The following KCNB2 variants were observed in gnomAD, a reference collection of about 807,000 sequenced individuals.
The protein encoded by KCNB2 is potassium voltage-gated channel subfamily B member 2.
Under a neutral mutation model 61.5 loss-of-function variants are expected in KCNB2, and 15 were observed. That is an observed-to-expected ratio of 0.24 (90% CI 0.16 to 0.38). The LOEUF (loss-of-function observed/expected upper bound fraction) is 0.38, where lower values mean the gene tolerates loss of function less well. Ranked by LOEUF, KCNB2 falls within the 10% of genes least tolerant of loss-of-function variation. KCNB2 has a pLI of 1.00. For synonymous variants in KCNB2, 457 were observed against 446.0 expected, an observed-to-expected ratio of 1.02 and a Z score of -0.31; for missense variants, 828 against 1,125.2, an observed-to-expected ratio of 0.74 and a Z score of 3.78.
chr8:72,913,048 A>G (rs2129007586), intron 2 of KCNB2, among the ~76,000 whole-genome samples: 1 of 152,250 alleles, frequency 6.6e-6, no homozygotes, highest in Middle Eastern at 3.4e-3. Context: ...TTGAAAATGC[A>G]CTCCAACATT....
At chr8:72,652,757 C>T (rs946327682) in intron 2 of KCNB2, among the ~76,000 whole-genome samples, 3 of 152,114 alleles carry the variant, frequency 2.0e-5, no homozygotes, top group East Asian at 1.9e-4. Flanking sequence ...TTTGGCTCTA[C>T]TCATGGATTT....
At chr8:72,832,734 A>T (rs1322009857) in intron 2 of KCNB2, among the ~76,000 whole-genome samples, 1 of 152,158 alleles carries the variant, frequency 6.6e-6, no homozygotes, top group Non-Finnish European at 1.5e-5. Context: ...GTAACCAGAG[A>T]ATAAGTGTTT....
intron 2 of KCNB2, among the ~76,000 whole-genome samples, chr8:72,696,907 T>C (rs1041341868): frequency 6.6e-6 from 1 of 152,206 alleles, no homozygotes; most frequent in Non-Finnish European, 1.5e-5. Context: ...AATTAATTTG[T>C]TGTTTTTCAA....
chr8:72,788,020 T>C (rs1223905792), intron 2 of KCNB2, among the ~76,000 whole-genome samples: 1 of 152,210 alleles, frequency 6.6e-6, no homozygotes, highest in African/African-American at 2.4e-5. Flanking sequence ...TGTCACTATT[T>C]GTGAAATGAT....
intron 2 of KCNB2, among the ~76,000 whole-genome samples, chr8:72,888,866 T>G (rs1041769245): frequency 6.6e-6 from 1 of 152,166 alleles, no homozygotes; most frequent in Admixed American, 6.6e-5. Context: ...GGAGAACTCA[T>G]TTCTTGGAGC....
intron 2 of KCNB2, among the ~76,000 whole-genome samples, chr8:72,596,660 CA>C (rs1250086711): frequency 6.6e-6 from 1 of 152,146 alleles, no homozygotes; most frequent in Non-Finnish European, 1.5e-5. Context: ...AGAGGATTTT[CA>C]GTGATAATTT....
chr8:72,707,212 AAAAAATAATAACCCTCAC>A (rs1300347083), intron 2 of KCNB2, among the ~76,000 whole-genome samples: 12 of 152,228 alleles, frequency 7.9e-5, no homozygotes, highest in Non-Finnish European at 1.6e-4. Flanking sequence ...TTTAATGTTT[AAAAAATAATAACCCTCAC>A]AAAAATAATA....
At chr8:72,665,548 G>T (rs1806453968) in intron 2 of KCNB2, among the ~76,000 whole-genome samples, 1 of 151,988 alleles carries the variant, frequency 6.6e-6, no homozygotes, top group South Asian at 2.1e-4. Context: ...CATAATAGAG[G>T]TGTATCATCA....
intron 2 of KCNB2, among the ~76,000 whole-genome samples, chr8:72,847,316 C>T (rs1397732310): frequency 6.6e-5 from 10 of 152,226 alleles, no homozygotes; most frequent in African/African-American, 2.2e-4. Context: ...AAGCACCCAA[C>T]TGGTGCCCTT....
intron 2 of KCNB2, among the ~76,000 whole-genome samples, chr8:72,694,491 A>C (rs1806987073): frequency 6.6e-6 from 1 of 152,198 alleles, no homozygotes; most frequent in Non-Finnish European, 1.5e-5. Context: ...AGCAGTTCTT[A>C]GTTAACAACA....
rs558938645 is a variant in KCNB2 at position 72,852,973 on chromosome 8, C to CAAT, written c.580-82960_580-82958dup. 3.6e-3 allele frequency among the ~76,000 whole-genome samples: 543 copies of CAAT among 152,264 alleles called. 3 individuals carry two copies. The highest frequency in any genetic ancestry group is 0.013 in the African/African-American group (525 of 41,562). Reference sequence around the variant, plus strand: ...TAATAAATTCTACCCCTTCATGTGGCAATAGCCTCTTTTTCTGGAGGGGAG... The same window carrying CAAT: ...TAATAAATTCTACCCCTTCATGTGGCAATAATAGCCTCTTTTTCTGGAGGGGAG... On this transcript the variant is annotated intron_variant, in intron 2 of 2. Transcript: ENST00000523207.
chr8:72,887,467 G>A (rs903633076), intron 2 of KCNB2, among the ~76,000 whole-genome samples: 1 of 152,170 alleles, frequency 6.6e-6, no homozygotes, highest in Non-Finnish European at 1.5e-5. Context: ...CCCAATTTCA[G>A]ATAAACTCTG....
intron 2 of KCNB2, among the ~76,000 whole-genome samples, chr8:72,666,048 C>T (rs1424294636): frequency 6.6e-6 from 1 of 152,246 alleles, no homozygotes; most frequent in Non-Finnish European, 1.5e-5. Context: ...CTATGACCAA[C>T]TATGACCATG....
At chr8:72,797,478 G>A (rs778889865) in intron 2 of KCNB2, among the ~76,000 whole-genome samples, 6 of 152,186 alleles carry the variant, frequency 3.9e-5, no homozygotes, top group Non-Finnish European at 7.4e-5. Context: ...CCCCACCCTA[G>A]AGGCCACAAG....
At chr8:72,792,891 C>T (rs373395743) in intron 2 of KCNB2, among the ~76,000 whole-genome samples, 7 of 152,196 alleles carry the variant, frequency 4.6e-5, no homozygotes, top group South Asian at 4.2e-4. Context: ...CCATAGGTCC[C>T]GGAATTCTTT....
At chr8:72,760,629 A>T (rs1808362935) in intron 2 of KCNB2, among the ~76,000 whole-genome samples, 1 of 152,188 alleles carries the variant, frequency 6.6e-6, no homozygotes, top group South Asian at 2.1e-4. Context: ...TGAAATTTAA[A>T]AACTATTGTA....
At chr8:72,684,061 A>T (rs1806807643) in intron 2 of KCNB2, among the ~76,000 whole-genome samples, 1 of 152,190 alleles carries the variant, frequency 6.6e-6, no homozygotes, top group Admixed American at 6.5e-5. Flanking sequence ...GGAGTGAGGT[A>T]ATCAGTTAGA....
In KCNB2 at chr8:72,646,704, A is replaced by G. The variant is rs114079478; in HGVS notation, c.579+78391A>G. Among the ~76,000 whole-genome samples, 366 of 152,222 alleles carry G rather than the reference A, an allele frequency of 2.4e-3. 2 individuals carry two copies. The highest frequency in any genetic ancestry group is 8.0e-3 in the African/African-American group (332 of 41,550). On this transcript the variant is annotated intron_variant, in intron 2 of 2. Transcript: ENST00000523207. ...CAAATTCATAGAGGCAGAACATAGA[A>G]TGGCGGGTATCAAGGGCTAGGGGCA...
rs1257787155 is a variant in KCNB2, at chr8:72,936,286, A to G, written c.931A>G (p.Ile311Val). 1.2e-6 allele frequency: 2 copies of G among 1,614,230 alleles called. No homozygotes were observed. The highest frequency in any genetic ancestry group is 8.5e-7 in the Non-Finnish European group (1 of 1,180,032). Residue 311 changes from isoleucine (I) to valine (V), a missense_variant, in exon 3 of 3, where the codon ATC becomes GTC. Physicochemically the swap from Ile to Val is conservative, Grantham distance 29 (BLOSUM62 3). Coordinates refer to ENST00000523207, the MANE Select transcript of KCNB2 (RefSeq NM_004770.3). The surrounding 1 kb of genome is among the most constrained non-coding windows in gnomAD (Gnocchi z 5.6). Reference sequence around the variant, plus strand: ...CTTCCGAATCATGCGCATCCTCAGGATCCTGAAACTCGCCAGGCATTCGAC... The same window carrying G: ...CTTCCGAATCATGCGCATCCTCAGGGTCCTGAAACTCGCCAGGCATTCGAC... ...QIFRIMRILR[I>V]LKLARHSTGL...
Sources: allele counts gnomAD v4.1 joint callset (sites outside exome capture counted in the v4.1 genomes callset), GRCh38; gene constraint gnomAD v4.1.1; non-coding constraint Gnocchi (gnomAD v3.1); transcripts MANE v1.5; gene names NCBI Gene and HGNC (gene_info 2026-07-23, HGNC 2026-07-21).